Variants in ZMAT4 observed in about 807,000 individuals in gnomAD.
The protein encoded by ZMAT4 is zinc finger matrin-type 4, also known as zinc finger matrin-type protein 4.
In ZMAT4, 17 loss-of-function variants were observed where a neutral mutation model predicts 28.7. That is an observed-to-expected ratio of 0.59 (90% CI 0.41 to 0.89). ZMAT4 has a LOEUF of 0.89. Among genes scored for constraint, ZMAT4 ranks in the 40% least tolerant of loss-of-function variants. ZMAT4 has a pLI of 0.00. For missense variants in ZMAT4, 240 were observed against 283.8 expected (o/e 0.85, Z 1.11); for synonymous variants, 117 against 109.2 (o/e 1.07, Z -0.44).
chr8:40,858,075 A>G (rs1366248092), intron 1 of ZMAT4, among the ~76,000 whole-genome samples: 1 of 151,484 alleles, frequency 6.6e-6, no homozygotes, highest in Non-Finnish European at 1.5e-5. Context: ...GAGGGAATAC[A>G]AGGTAAACAT....
intron 1 of ZMAT4, among the ~76,000 whole-genome samples, chr8:40,886,924 C>A (rs1015620785): frequency 2.6e-5 from 4 of 151,912 alleles, no homozygotes; most frequent in Admixed American, 2.0e-4. Flanking sequence ...ATAATCCCAG[C>A]ACTTTGGGAG....
At chr8:40,778,137 T>G (rs1367822509) in intron 2 of ZMAT4, among the ~76,000 whole-genome samples, 3 of 152,188 alleles carry the variant, frequency 2.0e-5, no homozygotes, top group Admixed American at 6.5e-5. Flanking sequence ...TTGGATTAAC[T>G]AAACAAACAA....
intron 2 of ZMAT4, among the ~76,000 whole-genome samples, chr8:40,778,113 A>T (rs1813682507): frequency 6.6e-6 from 1 of 152,222 alleles, no homozygotes; most frequent in African/African-American, 2.4e-5. Flanking sequence ...ACAGAGCAAT[A>T]ATAGAAGAAA....
At chr8:40,729,640 G>A (rs1486781240) in intron 3 of ZMAT4, among the ~76,000 whole-genome samples, 1 of 147,724 alleles carries the variant, frequency 6.8e-6, no homozygotes, top group Non-Finnish European at 1.5e-5. Context: ...CTGTCACCAG[G>A]CTGGAGTGCA....
In ZMAT4 at chr8:40,800,884, A is replaced by G. The variant is rs556525504; in HGVS notation, c.102+24691T>C. On this transcript the variant is annotated intron_variant, in intron 2 of 6. Coordinates refer to ENST00000297737, the MANE Select transcript of ZMAT4 (RefSeq NM_024645.3). ...TTAAATTCAAAGCAAGCAGATGAAA[A>G]TAAATAAAATTAGAAACAGAAAATT... Among the ~76,000 whole-genome samples, 110 of 152,222 alleles carry G rather than the reference A, an allele frequency of 7.2e-4. 1 individual carries two copies. The highest frequency in any genetic ancestry group is 1.2e-3 in the Admixed American group (19 of 15,282).
At chr8:40,887,756 G>GCCTCTCGGCTCCCCCTC (rs1818514741) in intron 1 of ZMAT4, among the ~76,000 whole-genome samples, 1 of 152,098 alleles carries the variant, frequency 6.6e-6, no homozygotes, top group South Asian at 2.1e-4. Context: ...CACTTCCCCT[G>GCCTCTCGGCTCCCCCTC]CCTCTCGGCT....
intron 3 of ZMAT4, among the ~76,000 whole-genome samples, chr8:40,734,388 T>C (rs1407837813): frequency 6.6e-6 from 1 of 152,212 alleles, no homozygotes; most frequent in African/African-American, 2.4e-5. Context: ...CATCGGCACC[T>C]GCGTGTGAAC....
intron 3 of ZMAT4, among the ~76,000 whole-genome samples, chr8:40,728,455 C>T (rs1429835531): frequency 6.6e-5 from 10 of 152,164 alleles, no homozygotes; most frequent in Non-Finnish European, 1.5e-4. Context: ...CCAACCTGAG[C>T]ATCACTGGTA....
At chr8:40,825,887 G>T (rs921017714) in intron 1 of ZMAT4, among the ~76,000 whole-genome samples, 7 of 152,184 alleles carry the variant, frequency 4.6e-5, no homozygotes, top group African/African-American at 1.4e-4. Context: ...CAACAGAGTT[G>T]CTTTACCCTA....
At chr8:40,807,138 C>CAA (rs34726845) in intron 2 of ZMAT4, among the ~76,000 whole-genome samples, 1,662 of 90,214 alleles carry the variant, frequency 0.018, 48 homozygotes, top group African/African-American at 0.044. Flanking sequence ...GGGGTGAGGA[C>CAA]AAAAAAAAAA....
intron 4 of ZMAT4, among the ~76,000 whole-genome samples, chr8:40,688,880 G>C (rs1253938814): frequency 6.6e-6 from 1 of 152,192 alleles, no homozygotes; most frequent in Non-Finnish European, 1.5e-5. Flanking sequence ...CTGAAGTCTG[G>C]TTTTCCCCAC....
intron 3 of ZMAT4, among the ~76,000 whole-genome samples, chr8:40,707,047 A>G (rs1810387748): frequency 6.6e-6 from 1 of 152,184 alleles, no homozygotes; most frequent in South Asian, 2.1e-4. Flanking sequence ...TACGTTAAGG[A>G]TATGTCTACC....
At chr8:40,615,546 G>C (rs193169240) in intron 5 of ZMAT4, among the ~76,000 whole-genome samples, 9 of 152,074 alleles carry the variant, frequency 5.9e-5, no homozygotes, top group Admixed American at 1.3e-4. Context: ...CATTCTCCCC[G>C]TCACTGTCAA....
intron 3 of ZMAT4, among the ~76,000 whole-genome samples, chr8:40,751,655 C>G (rs562651839): frequency 7.9e-5 from 12 of 152,024 alleles, no homozygotes; most frequent in African/African-American, 2.9e-4. Context: ...ACTAACGGGC[C>G]TGATGTGAAA....
At chr8:40,661,323 C>A (rs896402225) in intron 5 of ZMAT4, among the ~76,000 whole-genome samples, 1 of 152,212 alleles carries the variant, frequency 6.6e-6, no homozygotes, top group Admixed American at 6.5e-5. Flanking sequence ...TGGTCTTGAA[C>A]TCTTGACCCC....
intron 3 of ZMAT4, among the ~76,000 whole-genome samples, chr8:40,737,568 A>T (rs1340526164): frequency 6.6e-6 from 1 of 152,224 alleles, no homozygotes; most frequent in Non-Finnish European, 1.5e-5. Flanking sequence ...AGAACTAAAA[A>T]GGCCTACTGG....
At chr8:40,566,089 G>A (rs1335197292) in intron 6 of ZMAT4, among the ~76,000 whole-genome samples, 1 of 152,116 alleles carries the variant, frequency 6.6e-6, no homozygotes, top group African/African-American at 2.4e-5. Context: ...CACAGAGTGG[G>A]TGGGTCACTT....
chr8:40,858,094 G>C (rs952828957), intron 1 of ZMAT4, among the ~76,000 whole-genome samples: 1 of 152,008 alleles, frequency 6.6e-6, no homozygotes, highest in Non-Finnish European at 1.5e-5. Context: ...ATTTGTCAAA[G>C]CTCACTGAGC....
At chr8:40,833,398 T>C (rs1005557236) in intron 1 of ZMAT4, among the ~76,000 whole-genome samples, 1 of 151,838 alleles carries the variant, frequency 6.6e-6, no homozygotes, top group Non-Finnish European at 1.5e-5. Flanking sequence ...TGAAACCCCA[T>C]CTCTATTAAA....
Sources: gnomAD v4.1 joint callset for allele counts (sites outside exome capture counted in the v4.1 genomes callset) on GRCh38, gnomAD v4.1.1 for gene constraint, MANE v1.5 for transcripts, NCBI Gene and HGNC (gene_info 2026-07-23, HGNC 2026-07-21) for gene names.